Variants in PLEKHS1 observed in about 807,000 individuals in gnomAD.
The protein encoded by PLEKHS1 is pleckstrin homology domain containing S1.
A neutral mutation model predicts 51.0 loss-of-function variants in PLEKHS1; 55 were observed. The ratio of observed to expected loss-of-function variants is 1.08; its 90% CI spans 0.87 to 1.35. The LOEUF is 1.35. Among genes scored for constraint, PLEKHS1 ranks in the 40% most tolerant of loss-of-function variants. PLEKHS1 has a pLI of 0.00. For synonymous variants in PLEKHS1, 153 were observed against 144.8 expected (o/e 1.06, Z -0.41); for missense variants, 398 against 423.0 (o/e 0.94, Z 0.52).
intron 11 of PLEKHS1, chr10:113,777,500 C>T (rs1188422386): frequency 6.4e-7 from 1 of 1,570,310 alleles, no homozygotes; most frequent in South Asian, 1.2e-5. Context: ...CTCAGATCGG[C>T]ATGATGTAGC....
At position 113,755,800 on chromosome 10, in the gene PLEKHS1, G is replaced by A. The variant is rs1854082604; in HGVS notation, c.28+495G>A. ...ACTGTTGGATTCAATTAATTATTGT[G>A]TAAGAGTTTACCTGTCTAGAAGTTT... On this transcript the variant is annotated intron_variant, in intron 2 of 11. Transcript: ENST00000361048. Among the ~76,000 whole-genome samples the A allele has an allele frequency of 3.3e-5, 5 of 152,318 alleles. No individual in the cohort carries two copies. In the South Asian group the frequency reaches 8.3e-4, roughly 25 times the overall value.
intron 1 of PLEKHS1, among the ~76,000 whole-genome samples, chr10:113,754,927 C>T (rs557747437): frequency 6.6e-6 from 1 of 152,326 alleles, no homozygotes; most frequent in African/African-American, 2.4e-5. Flanking sequence ...CTTATCTCTC[C>T]TTTGTGTTGC....
At chr10:113,782,767 C>G (rs1192717857), downstream of PLEKHS1, 1 of 152,214 alleles carries the variant, frequency 6.6e-6, no homozygotes, top group Non-Finnish European at 1.5e-5. Flanking sequence ...AACTGTGGAC[C>G]AATCAAACCT....
At chr10:113,758,116 T>A (rs1268195599) in intron 2 of PLEKHS1, among the ~76,000 whole-genome samples, 2 of 152,228 alleles carry the variant, frequency 1.3e-5, no homozygotes, top group Non-Finnish European at 1.5e-5. Flanking sequence ...CCTGTTGATG[T>A]TGATATTTTG....
At chr10:113,775,393 G>A (rs982069260) in intron 10 of PLEKHS1, among the ~76,000 whole-genome samples, 3 of 152,184 alleles carry the variant, frequency 2.0e-5, no homozygotes, top group Middle Eastern at 3.2e-3. Flanking sequence ...CTTAGTTATA[G>A]ACCAGGAGGG....
Position 113,771,955 on chromosome 10 carries a change from A to C in PLEKHS1, c.553-15A>C, listed in dbSNP as rs376212587. On this transcript the variant is annotated splice_polypyrimidine_tract_variant and intron_variant, in intron 7 of 11. Transcript: ENST00000361048. ...TGCAAAGAAAAAGCAAAGCATTTTTATCTCTTTTCTTCAGCATTTAATGGA... is the reference window on the plus strand; with the variant it reads ...TGCAAAGAAAAAGCAAAGCATTTTTCTCTCTTTTCTTCAGCATTTAATGGA... 6.3e-7 allele frequency: 1 copy of C among 1,594,272 alleles called. No homozygotes were observed. The highest frequency in any genetic ancestry group is 1.4e-5 in the African/African-American group (1 of 73,452).
At position 113,774,929 on chromosome 10, in the gene PLEKHS1, T is replaced by G. The variant is rs568747283; in HGVS notation, c.883T>G (p.Ser295Ala). The change falls in exon 10 of 12, where the codon TCA becomes GCA. Residue 295 changes from serine to alanine, a missense_variant. Ser to Ala is a moderately conservative substitution (Grantham distance 99). Coordinates refer to ENST00000361048, the Ensembl canonical transcript of PLEKHS1. ...GGACCTCCACCTGCAAGAACAAGGC[T>G]CAGGAATTGATTGGTGTCTTTCCCC... 43 of 1,613,982 alleles carry G rather than the reference T, an allele frequency of 2.7e-5. No individual in the cohort carries two copies. In the Admixed American group the frequency reaches 7.2e-4, roughly 27 times the overall value.
chr10:113,775,857 G>C, exon 11 of PLEKHS1: 1 of 1,607,986 alleles, frequency 6.2e-7, no homozygotes, highest in Non-Finnish European at 8.5e-7. Context: ...GAAGCCACAG[G>C]ACGGATATGG....
chr10:113,771,598 C>T (rs1844407655), intron 7 of PLEKHS1, among the ~76,000 whole-genome samples: 1 of 149,758 alleles, frequency 6.7e-6, no homozygotes, highest in African/African-American at 2.5e-5. Flanking sequence ...TCACTTGAAC[C>T]CAGGAGGTGG....
At chr10:113,774,957 C>A (rs368188081) in exon 10 of PLEKHS1, 7 of 1,614,170 alleles carry the variant, frequency 4.3e-6, no homozygotes, top group South Asian at 1.1e-5. Context: ...CTTTCCCCTG[C>A]CGATGTGGAA....
chr10:113,776,965 C>G (rs1182379629), intron 11 of PLEKHS1, among the ~76,000 whole-genome samples, 159 bp from the exon 12 acceptor site: 3 of 152,122 alleles, frequency 2.0e-5, no homozygotes, highest in Non-Finnish European at 2.9e-5. Context: ...AAGGGTTAGG[C>G]TCCTATTGTA....
chr10:113,777,750 C>A, intron 11 of PLEKHS1: 1 of 1,459,930 alleles, frequency 6.8e-7, no homozygotes, highest in East Asian at 2.5e-5. Flanking sequence ...GTTATTCAAG[C>A]CCATTTTTTA....
rs773251290 is a variant in PLEKHS1 at position 113,768,789 on chromosome 10, A to G, written c.360-26A>G. ...AAAGGCACTATTGTTGCCACATGCCAACTGAAAGTTTATTCCTGTCAACAG... is the reference window on the plus strand; with the variant it reads ...AAAGGCACTATTGTTGCCACATGCCGACTGAAAGTTTATTCCTGTCAACAG... On this transcript the variant is annotated intron_variant, in intron 5 of 11. Coordinates refer to ENST00000361048, the Ensembl canonical transcript of PLEKHS1. 28 of 1,594,282 alleles carry G rather than the reference A, an allele frequency of 1.8e-5. No homozygotes were observed. The Admixed American group carries it at 3.1e-4, about 17-fold the overall frequency.
At chr10:113,774,422 C>T (rs1844556745) in intron 9 of PLEKHS1, 89 bp downstream of exon 9, 2 of 786,904 alleles carry the variant, frequency 2.5e-6, no homozygotes, top group Non-Finnish European at 4.1e-6. Context: ...AGTTGATAAA[C>T]TGATGCCAAA....
chr10:113,778,873 C>T (rs979867232), intron 11 of PLEKHS1, among the ~76,000 whole-genome samples: 2 of 152,096 alleles, frequency 1.3e-5, no homozygotes, highest in Admixed American at 6.6e-5. Flanking sequence ...CCTCGTGATC[C>T]GCCCGCCTCG....
In PLEKHS1 at chr10:113,772,058, AT is replaced by A. The variant is rs1192016893; in HGVS notation, c.643del (p.Tyr215IlefsTer9). The stretch of plus-strand genomic sequence containing the variant: ...ACTCAAGATGTGAAGGAAGAGAATC[AT>A]TATCTTACTCCTCGAAGTGTTCTTT... On this transcript the variant is annotated frameshift_variant, in exon 8 of 12. Coordinates refer to ENST00000361048, the Ensembl canonical transcript of PLEKHS1. LOFTEE classifies it high-confidence loss of function. 1 of 1,613,558 alleles carries A rather than the reference AT, an allele frequency of 6.2e-7. No individual in the cohort carries two copies. Among genetic ancestry groups the A allele is most frequent in the South Asian group, 1.1e-5 (1 of 90,912 alleles).
At position 113,767,498 on chromosome 10, in the gene PLEKHS1, C is replaced by T; in HGVS notation, c.359+19C>T. On this transcript the variant is annotated intron_variant, in intron 5 of 11. Coordinates refer to ENST00000361048, the Ensembl canonical transcript of PLEKHS1. ...ACGACAGGTGAGAGAAGTAAGATAA[C>T]ACAGAATATCTACTGCATGCAAAAC... The T allele has an allele frequency of 6.3e-7, 1 of 1,592,060 alleles. No homozygotes were observed. Among genetic ancestry groups the T allele is most frequent in the Non-Finnish European group, 8.5e-7 (1 of 1,172,094 alleles).
At chr10:113,771,786 C>T (rs541797369) in intron 7 of PLEKHS1, among the ~76,000 whole-genome samples, 184 bp from the exon 8 acceptor site, 1 of 151,790 alleles carries the variant, frequency 6.6e-6, no homozygotes, top group African/African-American at 2.4e-5. Flanking sequence ...TATATGTTTT[C>T]ATCCTCAGTG....
At position 113,775,845 on chromosome 10, in the gene PLEKHS1, C is replaced by T. The variant is rs764537256; in HGVS notation, c.1070C>T (p.Thr357Ile). 4 of 1,611,804 alleles carry T rather than the reference C, an allele frequency of 2.5e-6. No individual in the cohort carries two copies. In the South Asian group the frequency reaches 3.3e-5, roughly 13 times the overall value. The change falls in exon 11 of 12, where the codon ACA (threonine) becomes ATA (isoleucine). Residue 357 changes from threonine (T) to isoleucine (I), a missense_variant. Transcript: ENST00000361048. ...GATGTCATCAACTATCTTGCTCTCA[C>T]AGAAGCCACAGGACGGATATGGTAG...
Sources: allele counts gnomAD v4.1 joint callset (sites outside exome capture counted in the v4.1 genomes callset), GRCh38; gene constraint gnomAD v4.1.1; transcripts MANE v1.5; gene names NCBI Gene and HGNC (gene_info 2026-07-23, HGNC 2026-07-21).